RAP1GDS1: variants seen among roughly 807,000 people sequenced by gnomAD.
RAP1GDS1 encodes Rap1 GTPase-GDP dissociation stimulator 1.
A neutral mutation model predicts 71.1 loss-of-function variants in RAP1GDS1; 35 were observed. The ratio of observed to expected loss-of-function variants is 0.49; its 90% CI spans 0.38 to 0.65. RAP1GDS1 has a LOEUF of 0.65. Ranked by LOEUF, RAP1GDS1 falls within the 30% of genes least tolerant of loss-of-function variation. RAP1GDS1 has a pLI of 0.00. For missense variants in RAP1GDS1, 663 were observed against 706.1 expected (o/e 0.94, Z 0.69); for synonymous variants, 229 against 243.1 (o/e 0.94, Z 0.54).
intron 12 of RAP1GDS1, among the ~76,000 whole-genome samples, chr4:98,432,711 G>T (rs1490367045): frequency 6.6e-6 from 1 of 151,962 alleles, no homozygotes; most frequent in Non-Finnish European, 1.5e-5. Flanking sequence ...AATTAATTTT[G>T]AAGCTGACTC....
intron 1 of RAP1GDS1, among the ~76,000 whole-genome samples, chr4:98,284,183 A>G (rs1725636543): frequency 6.6e-6 from 1 of 152,164 alleles, no homozygotes; most frequent in East Asian, 1.9e-4. Context: ...AATAGTACAT[A>G]AAGTGATATC....
chr4:98,379,884 A>G (rs1741733544), intron 5 of RAP1GDS1, among the ~76,000 whole-genome samples: 1 of 151,898 alleles, frequency 6.6e-6, no homozygotes, highest in Non-Finnish European at 1.5e-5. Flanking sequence ...ATGTAACACA[A>G]ATAAGGTCTT....
intron 5 of RAP1GDS1, among the ~76,000 whole-genome samples, chr4:98,390,984 T>C (rs1171706570): frequency 6.6e-6 from 1 of 152,126 alleles, no homozygotes; most frequent in African/African-American, 2.4e-5. Flanking sequence ...GGCATATCAT[T>C]TTAATGAGAA....
intron 2 of RAP1GDS1, among the ~76,000 whole-genome samples, chr4:98,324,259 G>T (rs1228722716): frequency 6.7e-6 from 1 of 149,508 alleles, no homozygotes; most frequent in African/African-American, 2.5e-5. Flanking sequence ...CACTGCTCAA[G>T]GAAATAAAAG....
intron 2 of RAP1GDS1, among the ~76,000 whole-genome samples, chr4:98,322,783 A>G (rs935929460): frequency 1.5e-5 from 2 of 134,532 alleles, no homozygotes; most frequent in African/African-American, 6.3e-5. Flanking sequence ...GTGTAGAGGG[A>G]AATTTATAGC....
chr4:98,327,554 CTGTT>C (rs1039240424), intron 2 of RAP1GDS1, among the ~76,000 whole-genome samples: 22 of 152,244 alleles, frequency 1.4e-4, no homozygotes, highest in African/African-American at 5.1e-4. Context: ...TTTCCTGACT[CTGTT>C]TGTTAGGATT....
At chr4:98,279,534 G>T (rs976402789) in intron 1 of RAP1GDS1, among the ~76,000 whole-genome samples, 5 of 151,116 alleles carry the variant, frequency 3.3e-5, no homozygotes, top group African/African-American at 1.2e-4. Context: ...TTTTTTTTGA[G>T]ATGCAAATTA....
At chr4:98,332,321 T>C (rs1425562226) in intron 2 of RAP1GDS1, among the ~76,000 whole-genome samples, 2 of 152,182 alleles carry the variant, frequency 1.3e-5, no homozygotes, top group African/African-American at 4.8e-5. Context: ...CATGGAATAA[T>C]TGAGATACAT....
At chr4:98,428,983 G>T (rs1464108388) in intron 12 of RAP1GDS1, among the ~76,000 whole-genome samples, 1 of 152,196 alleles carries the variant, frequency 6.6e-6, no homozygotes, top group Admixed American at 6.5e-5. Flanking sequence ...ATGGGGCCAG[G>T]CATGGTGGCT....
At chr4:98,267,628 T>C (rs573105588) in intron 1 of RAP1GDS1, among the ~76,000 whole-genome samples, 12 of 152,290 alleles carry the variant, frequency 7.9e-5, no homozygotes, top group Admixed American at 7.2e-4. Flanking sequence ...TTAATTTGCT[T>C]AGGATAGTGG....
intron 4 of RAP1GDS1, among the ~76,000 whole-genome samples, chr4:98,365,157 AT>A (rs1739291547): frequency 1.3e-5 from 2 of 152,294 alleles, no homozygotes; most frequent in Admixed American, 6.5e-5. Flanking sequence ...GGATGTTCAG[AT>A]TTGATTGGAT....
intron 4 of RAP1GDS1, among the ~76,000 whole-genome samples, chr4:98,372,339 GT>G (rs1429512458): frequency 6.6e-6 from 1 of 151,998 alleles, no homozygotes; most frequent in East Asian, 1.9e-4. Context: ...ATTTTTGTAT[GT>G]TTTTTAAATA....
intron 2 of RAP1GDS1, among the ~76,000 whole-genome samples, chr4:98,330,506 G>A (rs565982306): frequency 2.0e-4 from 30 of 150,250 alleles, no homozygotes; most frequent in South Asian, 4.3e-4. Context: ...CCTCCCAGAC[G>A]GGGTGGTGGC....
chr4:98,309,000 A>G (rs933422618), intron 2 of RAP1GDS1, among the ~76,000 whole-genome samples: 1 of 152,084 alleles, frequency 6.6e-6, no homozygotes, highest in African/African-American at 2.4e-5. Flanking sequence ...ATTAATAAGT[A>G]TTCATTTATT....
intron 9 of RAP1GDS1, among the ~76,000 whole-genome samples, chr4:98,418,382 A>G (rs757727575): frequency 6.6e-6 from 1 of 152,192 alleles, no homozygotes; most frequent in African/African-American, 2.4e-5. Flanking sequence ...CATTCTAACC[A>G]TGTGTTTCTA....
chr4:98,317,237 A>T (rs1344020420), intron 2 of RAP1GDS1, among the ~76,000 whole-genome samples: 1 of 152,078 alleles, frequency 6.6e-6, no homozygotes, highest in African/African-American at 2.4e-5. Flanking sequence ...GCCTTTCCCC[A>T]TGCCAGATTG....
chr4:98,332,268 G>C (rs1734121512), intron 2 of RAP1GDS1, among the ~76,000 whole-genome samples: 1 of 152,156 alleles, frequency 6.6e-6, no homozygotes, highest in South Asian at 2.1e-4. Context: ...TTGAGCAGGG[G>C]AACACGTGGA....
intron 12 of RAP1GDS1, among the ~76,000 whole-genome samples, chr4:98,430,100 C>T (rs1051814716): frequency 1.3e-5 from 2 of 152,112 alleles, no homozygotes; most frequent in Non-Finnish European, 2.9e-5. Context: ...CCTCCCACTT[C>T]TCGCCCATCC....
At chr4:98,316,716 C>T (rs1730996462) in intron 2 of RAP1GDS1, among the ~76,000 whole-genome samples, 2 of 152,112 alleles carry the variant, frequency 1.3e-5, no homozygotes, top group Admixed American at 6.5e-5. Context: ...GAAAATACAA[C>T]TTTAGCTCCA....
Sources: gnomAD v4.1 joint callset for allele counts (sites outside exome capture counted in the v4.1 genomes callset) on GRCh38, gnomAD v4.1.1 for gene constraint, MANE v1.5 for transcripts, NCBI Gene and HGNC (gene_info 2026-07-23, HGNC 2026-07-21) for gene names.